NRXN2: variants seen among roughly 807,000 people sequenced by gnomAD.
NRXN2 encodes the protein neurexin-2-beta.
NRXN2 carries 29 observed loss-of-function variants against 128.8 expected under a neutral mutation model. The observed-to-expected ratio is 0.23, with a 90% CI of 0.17 to 0.31. The LOEUF (loss-of-function observed/expected upper bound fraction) is 0.31. NRXN2 is among the 10% of genes least tolerant of loss of function. The probability of loss-of-function intolerance (pLI) is 1.00; values close to 1 mark genes in which losing one functional copy is unlikely to be tolerated. For missense variants in NRXN2, 1,881 were observed against 2,452.6 expected (o/e 0.77, Z 4.92); for synonymous variants, 1,098 against 1,075.2 (o/e 1.02, Z -0.41).
chr11:64,657,260 G>A (rs2048405593), intron 11 of NRXN2, among the ~76,000 whole-genome samples: 1 of 152,208 alleles, frequency 6.6e-6, no homozygotes, highest in African/African-American at 2.4e-5. Flanking sequence ...GATTCACGTG[G>A]GCCAGGAGGC....
chr11:64,608,000 C>T lies in NRXN2; in HGVS notation c.4335G>A (p.Pro1445=), dbSNP rs1221642571. The T allele has an allele frequency of 1.5e-5, 6 of 399,546 alleles. No homozygotes were observed. Among genetic ancestry groups the T allele is most frequent in the South Asian group, 3.8e-5 (1 of 26,480 alleles). The allele number at this position is 399,546 out of a possible 1,614,324, so 24.8% of individuals were successfully genotyped here. ...TGAGGAAGGGGTAGAAGGTAGGGGG[C>T]GGGGGCACGAAGGGGGATCGGGTGG... ...PVATRSPFVP[P]PPTFYPFLTG... The change falls in exon 23 of 23, where the codon CCG becomes CCA. Residue 1445 remains proline, a synonymous_variant. Coordinates refer to ENST00000265459, the MANE Select transcript of NRXN2 (RefSeq NM_015080.4).
chr11:64,700,617 C>T (rs975222574), intron 2 of NRXN2, among the ~76,000 whole-genome samples: 3 of 152,206 alleles, frequency 2.0e-5, no homozygotes, highest in African/African-American at 7.2e-5. Context: ...CCTAGGTCAT[C>T]GTAGCCTCTG....
chr11:64,641,328 A>G (rs2045633035), intron 17 of NRXN2, among the ~76,000 whole-genome samples: 1 of 152,026 alleles, frequency 6.6e-6, no homozygotes, highest in African/African-American at 2.4e-5. Context: ...CTGAAAGGTA[A>G]TGACAAGGTG....
chr11:64,644,614 G>C (rs2959654), intron 17 of NRXN2, among the ~76,000 whole-genome samples: 49,402 of 151,954 alleles, frequency 0.33, 10,306 homozygotes, highest in African/African-American at 0.59. Flanking sequence ...TCCCGTCACC[G>C]GGTCGTATGC....
intron 11 of NRXN2, among the ~76,000 whole-genome samples, chr11:64,659,066 C>A (rs757557988): frequency 6.6e-6 from 1 of 152,176 alleles, no homozygotes. Context: ...TCTCTCCAGT[C>A]GAGGATTCTA....
At chr11:64,615,983 C>T (rs1047910483) in intron 22 of NRXN2, among the ~76,000 whole-genome samples, 3 of 150,124 alleles carry the variant, frequency 2.0e-5, no homozygotes, top group South Asian at 2.1e-4. Context: ...AGCAGGTAAG[C>T]GTGTGTGTGT....
intron 2 of NRXN2, among the ~76,000 whole-genome samples, chr11:64,706,613 C>G (rs960283830): frequency 6.6e-6 from 1 of 152,134 alleles, no homozygotes; most frequent in Non-Finnish European, 1.5e-5. Context: ...TCATCAAGAC[C>G]TGGCCTCAAC....
In NRXN2 at chr11:64,648,477, G is replaced by T; in HGVS notation, c.3284-139C>A. On this transcript the variant is annotated intron_variant, in intron 16 of 22. Transcript: ENST00000265459. This position sits in a 1 kb window ranked among gnomAD's most constrained non-coding sequence, Gnocchi z 4.1. ...CTGAAAGGGCCAAGTACTGATGACA[G>T]GGATTGGGGCAGGAGGGTCAGGTCT... The T allele has an allele frequency of 1.4e-6, 2 of 1,403,994 alleles. No homozygotes were observed. Among genetic ancestry groups the T allele is most frequent in the South Asian group, 1.2e-5 (1 of 83,294 alleles). 87.0% of individuals were successfully genotyped at this position (1,403,994 alleles called of 1,614,324 possible).
chr11:64,638,980 AACCCAG>A (rs1282980349), intron 17 of NRXN2, among the ~76,000 whole-genome samples: 1 of 152,230 alleles, frequency 6.6e-6, no homozygotes, highest in African/African-American at 2.4e-5. Context: ...ATGGTTAGCT[AACCCAG>A]ACCCAAACAA....
intron 11 of NRXN2, chr11:64,655,987 G>A (rs1462084089): frequency 3.3e-5 from 5 of 152,318 alleles, no homozygotes; most frequent in Admixed American, 1.3e-4. Flanking sequence ...GACAGAGAGA[G>A]CAGGGTCGTA....
rs564991006 is a variant in NRXN2, at chr11:64,621,272, A to G, written c.4174-900T>C. On this transcript the variant is annotated intron_variant, in intron 21 of 22. Coordinates refer to ENST00000265459, the MANE Select transcript of NRXN2 (RefSeq NM_015080.4). ...CCATCTTGGGCTTCCCCACCACAGC[A>G]GTGACTCCTGGGACTCCCACCTCTC... Among the ~76,000 whole-genome samples the G allele has an allele frequency of 2.6e-5, 4 of 152,208 alleles. No individual in the cohort carries two copies. In the South Asian group the frequency reaches 8.3e-4, roughly 32 times the overall value.
Position 64,667,721 on chromosome 11 carries a change from TC to T in NRXN2, c.1360-34del. ...GAGGGGTGGGGTCAGGGATAAAGAATCCGAAAGCAGCTTAGGGCCTGGCCAC... is the reference window on the plus strand; with the variant it reads ...GAGGGGTGGGGTCAGGGATAAAGAATCGAAAGCAGCTTAGGGCCTGGCCAC... On this transcript the variant is annotated intron_variant, in intron 8 of 22. Transcript: ENST00000265459. The surrounding 1 kb of genome is among the most constrained non-coding windows in gnomAD (Gnocchi z 5.6). 6.2e-7 allele frequency: 1 copy of T among 1,609,898 alleles called. No individual in the cohort carries two copies. The highest frequency in any genetic ancestry group is 8.5e-7 in the Non-Finnish European group (1 of 1,178,000).
intron 6 of NRXN2, among the ~76,000 whole-genome samples, chr11:64,682,904 G>A (rs2052508759): frequency 6.6e-6 from 1 of 152,140 alleles, no homozygotes; most frequent in Non-Finnish European, 1.5e-5. Context: ...GGTGCCCCTG[G>A]TCCTAACTGC....
chr11:64,713,540 T>C lies in NRXN2; in HGVS notation c.160A>G (p.Ser54Gly), dbSNP rs1414551444. The C allele has an allele frequency of 6.8e-7, 1 of 1,466,324 alleles. No individual in the cohort carries two copies. 90.8% of individuals were successfully genotyped at this position (1,466,324 alleles called of 1,614,324 possible). A position where few individuals can be genotyped will look rare whatever the true frequency, so the allele number is the denominator to read the frequency against. The part of the protein sequence containing the change: ...WAGAASSGEL[S>G]FSLRTNATRA... ...GTGGCGTTGGTGCGCAGGCTGAAGC[T>C]GAGCTCGCCGCTGCTCGCCGCGCCC... The change falls in exon 2 of 23, where the codon AGC becomes GGC. Residue 54 changes from serine (S) to glycine (G), a missense_variant. By Grantham distance (56) the Ser-to-Gly change is moderately conservative. This residue lies in a region of NRXN2 where 997 missense variants were observed against 1,240.8 expected (regional missense o/e 0.80). Transcript: ENST00000265459.
At chr11:64,681,254 T>C (rs2052235650) in intron 6 of NRXN2, among the ~76,000 whole-genome samples, 1 of 151,856 alleles carries the variant, frequency 6.6e-6, no homozygotes, top group Non-Finnish European at 1.5e-5. Flanking sequence ...CCAGCTGCCT[T>C]CAGGAAAGAG....
intron 2 of NRXN2, among the ~76,000 whole-genome samples, chr11:64,708,957 C>T (rs1052530541): frequency 6.6e-6 from 1 of 151,998 alleles, no homozygotes; most frequent in Non-Finnish European, 1.5e-5. Flanking sequence ...TTTGAGAGGC[C>T]AATGCGGGCG....
Position 64,717,954 on chromosome 11 carries a change from C to A in NRXN2, c.-244-4011G>T, listed in dbSNP as rs376764992. The stretch of plus-strand genomic sequence containing the variant: ...CTCTCAGGTGCCCCACTCTAAAGCC[C>A]ACTCCTGGGACTGGGAGACAGAGAT... On this transcript the variant is annotated intron_variant, in intron 1 of 22. Coordinates refer to ENST00000265459, the MANE Select transcript of NRXN2 (RefSeq NM_015080.4). 8.5e-5 allele frequency among the ~76,000 whole-genome samples: 13 copies of A among 152,302 alleles called. No individual in the cohort carries two copies. The East Asian group carries it at 1.5e-3, about 18-fold the overall frequency.
At chr11:64,638,605 C>A (rs2045184029) in intron 17 of NRXN2, among the ~76,000 whole-genome samples, 1 of 152,228 alleles carries the variant, frequency 6.6e-6, no homozygotes, top group South Asian at 2.1e-4. Context: ...ACATCTAGAA[C>A]CTGACAGGCT....
At chr11:64,662,769 G>A (rs1019494251) in intron 9 of NRXN2, among the ~76,000 whole-genome samples, 3 of 151,810 alleles carry the variant, frequency 2.0e-5, no homozygotes, top group Non-Finnish European at 4.4e-5. Context: ...GCGACAGAGC[G>A]AGATTCTGTC....
Sources: allele counts gnomAD v4.1 joint callset (sites outside exome capture counted in the v4.1 genomes callset), GRCh38; gene constraint gnomAD v4.1.1; regional missense constraint gnomAD v4.1.1; non-coding constraint Gnocchi (gnomAD v3.1); transcripts MANE v1.5; gene names NCBI Gene and HGNC (gene_info 2026-07-23, HGNC 2026-07-21).